The following GLRA1 variants were observed in gnomAD, a reference collection of about 807,000 sequenced individuals.
The protein encoded by GLRA1 is glycine receptor alpha 1.
In GLRA1, 37 loss-of-function variants were observed where a neutral mutation model predicts 48.3. That is an observed-to-expected ratio of 0.77 (90% CI 0.59 to 1.01). The LOEUF (loss-of-function observed/expected upper bound fraction) is 1.01, where lower values mean the gene tolerates loss of function less well. Among genes scored for constraint, GLRA1 ranks in the 50% least tolerant of loss-of-function variants. GLRA1 has a pLI of 0.00. For missense variants in GLRA1, 427 were observed against 571.0 expected, an observed-to-expected ratio of 0.75 and a Z score of 2.57; for synonymous variants, 196 against 210.7, an observed-to-expected ratio of 0.93 and a Z score of 0.60.
chr5:151,895,633 G>C (rs1399068597), intron 1 of GLRA1, among the ~76,000 whole-genome samples: 1 of 149,776 alleles, frequency 6.7e-6, no homozygotes, highest in Non-Finnish European at 1.5e-5. Context: ...GTCTGTGTGT[G>C]TGTGTGTGTG....
rs751547323 is a variant in GLRA1 at position 151,834,735 on chromosome 5, T to TAAAAA, written c.913-5669_913-5668insTTTTT. On this transcript the variant is annotated intron_variant, in intron 7 of 8. Transcript: ENST00000274576. ...ATATATAGACTGCTAGCCAGCCTAA[T>TAAAAA]AAAGAAAAGAGGCTGGGCGTGGTGG... Among the ~76,000 whole-genome samples the TAAAAA allele has an allele frequency of 1.4e-3, 209 of 152,162 alleles. 2 individuals are homozygous for TAAAAA. The East Asian group carries it at 0.015, about 11-fold the overall frequency.
At chr5:151,857,122 C>G (rs1178792538) in intron 4 of GLRA1, among the ~76,000 whole-genome samples, 1 of 152,234 alleles carries the variant, frequency 6.6e-6, no homozygotes, top group African/African-American at 2.4e-5. Context: ...CGACAAACCT[C>G]TTTTCCCACC....
chr5:151,863,808 C>T (rs1232935009), intron 3 of GLRA1, among the ~76,000 whole-genome samples: 1 of 152,208 alleles, frequency 6.6e-6, no homozygotes, highest in Non-Finnish European at 1.5e-5. Context: ...CTCTCACCCT[C>T]ACCCCTGCTC....
chr5:151,889,436 A>T (rs6884630), intron 2 of GLRA1, among the ~76,000 whole-genome samples: 36,871 of 152,180 alleles, frequency 0.24, 4,779 homozygotes, highest in South Asian at 0.39. Context: ...GAGATACAGT[A>T]AGTGACTCAT....
chr5:151,850,436 C>A, intron 7 of GLRA1: 2 of 1,146,402 alleles, frequency 1.7e-6, no homozygotes, highest in Non-Finnish European at 2.7e-6. Context: ...GCTGCCATAC[C>A]AACTTCAGCA....
At chr5:151,860,089 A>G in intron 3 of GLRA1, 81 bp from the exon 4 acceptor site, 2 of 974,860 alleles carry the variant, frequency 2.1e-6, no homozygotes, top group Non-Finnish European at 1.6e-6. Flanking sequence ...GCTTTTGGCC[A>G]GTAAAACCTT....
At chr5:151,884,321 C>T (rs1224690934) in intron 3 of GLRA1, among the ~76,000 whole-genome samples, 3 of 151,990 alleles carry the variant, frequency 2.0e-5, no homozygotes, top group East Asian at 1.9e-4. Flanking sequence ...CCCAGCTACT[C>T]GGGAGGCTGA....
intron 1 of GLRA1, 90 bp from the exon 2 acceptor site, chr5:151,892,528 C>T: frequency 7.3e-7 from 1 of 1,375,844 alleles, no homozygotes; most frequent in Non-Finnish European, 1.0e-6. Flanking sequence ...TCTGTAGAAC[C>T]ACAAGAGTGT....
chr5:151,895,040 T>C (rs1027400583), intron 1 of GLRA1, among the ~76,000 whole-genome samples: 1 of 152,132 alleles, frequency 6.6e-6, no homozygotes, highest in Non-Finnish European at 1.5e-5. Context: ...GTGATGTGGG[T>C]GGGTTTCTAG....
intron 3 of GLRA1, among the ~76,000 whole-genome samples, chr5:151,882,722 GTT>G (rs76044459): frequency 1.4e-5 from 2 of 140,270 alleles, no homozygotes; most frequent in Non-Finnish European, 1.6e-5. Context: ...AATTTCTTAA[GTT>G]TTTTTTTTTT....
chr5:151,924,335 TG>T (rs1754953474), intron 1 of GLRA1, among the ~76,000 whole-genome samples, 158 bp downstream of exon 1: 1 of 27,094 alleles, frequency 3.7e-5, no homozygotes, highest in African/African-American at 1.4e-4. Flanking sequence ...TGGCGGGGGG[TG>T]GGAGGGGGGA....
At chr5:151,901,268 A>G (rs1754360885) in intron 1 of GLRA1, among the ~76,000 whole-genome samples, 2 of 152,162 alleles carry the variant, frequency 1.3e-5, no homozygotes, top group Admixed American at 1.3e-4. Context: ...CTGTGTGTAT[A>G]TGTCTCACTT....
chr5:151,830,178 A>G (rs1408741011), intron 7 of GLRA1, among the ~76,000 whole-genome samples: 1 of 152,238 alleles, frequency 6.6e-6, no homozygotes, highest in African/African-American at 2.4e-5. Context: ...AGCAGAACAC[A>G]GTTGGAGCTT....
At position 151,833,796 on chromosome 5, in the gene GLRA1, C is replaced by CAAAAAAAAAA. The variant is rs757336792; in HGVS notation, c.913-4739_913-4730dup. Reference sequence around the variant, plus strand: ...GGATATTTACCAAGGAAGTGGAAAGCAAAAAAAAAAAAAAAAAAAGCAGGG... The same window carrying CAAAAAAAAAA: ...GGATATTTACCAAGGAAGTGGAAAGCAAAAAAAAAAAAAAAAAAAAAAAAAAAAAGCAGGG... On this transcript the variant is annotated intron_variant, in intron 7 of 8. Coordinates refer to ENST00000274576, the MANE Select transcript of GLRA1 (RefSeq NM_000171.4). 1.7e-3 allele frequency among the ~76,000 whole-genome samples: 107 copies of CAAAAAAAAAA among 64,712 alleles called. 1 individual carries two copies. The highest frequency in any genetic ancestry group is 2.0e-3 in the Non-Finnish European group (71 of 35,390). 42.5% of individuals were successfully genotyped at this position (64,712 alleles called of 152,430 possible). A position where few individuals can be genotyped will look rare whatever the true frequency, so the allele number is the denominator to read the frequency against.
intron 7 of GLRA1, among the ~76,000 whole-genome samples, chr5:151,840,052 A>G (rs746778493): frequency 4.6e-5 from 7 of 152,138 alleles, no homozygotes; most frequent in Non-Finnish European, 1.0e-4. Context: ...GGAAAAAAAT[A>G]GTAAAAGAAA....
intron 3 of GLRA1, among the ~76,000 whole-genome samples, chr5:151,874,121 T>C (rs142434368): frequency 3.9e-5 from 6 of 152,054 alleles, no homozygotes; most frequent in Non-Finnish European, 7.4e-5. Flanking sequence ...GTCAGTTGAT[T>C]TGGTTGATTC....
intron 8 of GLRA1, among the ~76,000 whole-genome samples, chr5:151,824,363 T>G (rs1488095127): frequency 6.6e-6 from 1 of 151,958 alleles, no homozygotes; most frequent in African/African-American, 2.4e-5. Context: ...AACACAGATC[T>G]TGGTCATCTT....
chr5:151,868,569 A>G (rs1367047567), intron 3 of GLRA1, among the ~76,000 whole-genome samples: 1 of 152,216 alleles, frequency 6.6e-6, no homozygotes, highest in Non-Finnish European at 1.5e-5. Context: ...GCGTTTAACC[A>G]GTAGACTACA....
rs1295878106 is a variant in GLRA1, at chr5:151,849,099, TTTTCTTTTCTTTCTTTCTTTC to T, written c.912+2270_912+2290del. 1.0e-3 allele frequency: 239 copies of T among 236,318 alleles called. 7 individuals carry two copies. The highest frequency in any genetic ancestry group is 5.4e-3 in the South Asian group (35 of 6,508). 14.6% of individuals were successfully genotyped at this position (236,318 alleles called of 1,614,324 possible). A position where few individuals can be genotyped will look rare whatever the true frequency, so the allele number is the denominator to read the frequency against. ...CTTTCTTTTCTTTCCTTTTTATTTC[TTTTCTTTTCTTTCTTTCTTTC>T]TTTCTTTCTTTCTTTCTTTCTTTCT... On this transcript the variant is annotated intron_variant, in intron 7 of 8. Coordinates refer to ENST00000274576, the MANE Select transcript of GLRA1 (RefSeq NM_000171.4).
Sources: allele counts gnomAD v4.1 joint callset (sites outside exome capture counted in the v4.1 genomes callset), GRCh38; gene constraint gnomAD v4.1.1; transcripts MANE v1.5; gene names NCBI Gene and HGNC (gene_info 2026-07-23, HGNC 2026-07-21).